ITIH5: variants seen among roughly 807,000 people sequenced by gnomAD.
ITIH5 encodes the protein inter-alpha-trypsin inhibitor heavy chain 5.
Under a neutral mutation model 77.5 loss-of-function variants are expected in ITIH5, and 65 were observed. That is an observed-to-expected ratio of 0.84 (90% confidence interval 0.69 to 1.03). The LOEUF is 1.03. ITIH5 is among the 50% of genes least tolerant of loss of function. ITIH5 has a pLI of 0.00. For missense variants in ITIH5, 1,208 were observed against 1,213.1 expected (o/e 1.00, Z 0.06); for synonymous variants, 525 against 494.3 (o/e 1.06, Z -0.82).
At chr10:7,627,400 A>G (rs913050107) in intron 5 of ITIH5, among the ~76,000 whole-genome samples, 18 of 151,920 alleles carry the variant, frequency 1.2e-4, no homozygotes, top group Non-Finnish European at 2.5e-4. Flanking sequence ...GAAATGCAGG[A>G]CACTGTGCTA....
In ITIH5 at chr10:7,576,595, G is replaced by A. The variant is rs769114378; in HGVS notation, c.1836C>T (p.Tyr612=). The A allele has an allele frequency of 1.9e-6, 3 of 1,614,054 alleles. No homozygotes were observed. The highest frequency in any genetic ancestry group is 2.5e-6 in the Non-Finnish European group (3 of 1,180,046). The part of the protein sequence containing the change: ...RQRAQALAVS[Y]RFLTPFTSMK... Reference sequence around the variant, plus strand: ...TGGAGGTGAAGGGAGTGAGGAAGCGGTAGCTCACAGCCAGGGCCTGGGCCC... The same window carrying A: ...TGGAGGTGAAGGGAGTGAGGAAGCGATAGCTCACAGCCAGGGCCTGGGCCC... The change falls in exon 10 of 14, where the codon TAC becomes TAT. Residue 612 remains tyrosine, a synonymous_variant. Coordinates refer to ENST00000397146, the MANE Select transcript of ITIH5 (RefSeq NM_030569.7).
intron 8 of ITIH5, 56 bp downstream of exon 8, chr10:7,585,845 A>C (rs1832663864): frequency 2.0e-6 from 3 of 1,488,486 alleles, no homozygotes; most frequent in South Asian, 1.3e-5. Flanking sequence ...AAAAAACCAA[A>C]AAAAAAAACA....
At chr10:7,661,914 C>T (rs573430723) in intron 1 of ITIH5, among the ~76,000 whole-genome samples, 1 of 152,152 alleles carries the variant, frequency 6.6e-6, no homozygotes. Context: ...GTTGTCCAGG[C>T]TGGTCTTGAA....
intron 8 of ITIH5, among the ~76,000 whole-genome samples, chr10:7,580,727 G>A (rs948682056): frequency 2.0e-5 from 3 of 152,190 alleles, no homozygotes; most frequent in Non-Finnish European, 2.9e-5. Context: ...GGAGGGGCAT[G>A]GAACGAAGAG....
Position 7,597,044 on chromosome 10 carries a change from C to CAAAAAAAAAAAAAAAAAAAA in ITIH5, c.940-10995_940-10976dup, listed in dbSNP as rs71383924. On this transcript the variant is annotated intron_variant, in intron 7 of 13. Coordinates refer to ENST00000397146, the MANE Select transcript of ITIH5 (RefSeq NM_030569.7). ...CTGGGTGCAGAGTGAGTCTCCAACTCAAAAAAAAAAAAAAAAAAAATTCCA... is the reference window on the plus strand; with the variant it reads ...CTGGGTGCAGAGTGAGTCTCCAACTCAAAAAAAAAAAAAAAAAAAAAAAAAAAAAAAAAAAAAAAATTCCA... Among the ~76,000 whole-genome samples, 66 of 36,888 alleles carry CAAAAAAAAAAAAAAAAAAAA rather than the reference C, an allele frequency of 1.8e-3. 8 individuals are homozygous for CAAAAAAAAAAAAAAAAAAAA. Among genetic ancestry groups the CAAAAAAAAAAAAAAAAAAAA allele is most frequent in the Non-Finnish European group, 1.8e-3 (29 of 15,934 alleles). 24.2% of individuals were successfully genotyped at this position (36,888 alleles called of 152,430 possible). A position where few individuals can be genotyped will look rare whatever the true frequency, so the allele number is the denominator to read the frequency against.
intron 1 of ITIH5, among the ~76,000 whole-genome samples, chr10:7,662,176 G>A (rs937045000): frequency 2.6e-5 from 4 of 152,056 alleles, no homozygotes; most frequent in African/African-American, 9.7e-5. Context: ...TGGCCAACAC[G>A]GTAAAGCCCC....
chr10:7,592,717 C>A (rs1588382587), intron 7 of ITIH5, among the ~76,000 whole-genome samples: 1 of 152,202 alleles, frequency 6.6e-6, no homozygotes, highest in Non-Finnish European at 1.5e-5. Context: ...GCAGGGGCGG[C>A]CTCAGCCAGG....
rs367610718 is a variant in ITIH5 at position 7,560,346 on chromosome 10, C to T, written c.*2737G>A. The T allele has an allele frequency of 3.3e-5, 5 of 152,914 alleles. No individual in the cohort carries two copies. The highest frequency in any genetic ancestry group is 2.1e-4 in the South Asian group (1 of 4,852). The allele number at this position is 152,914 out of a possible 1,614,324, so 9.5% of individuals were successfully genotyped here. ...AAAGTTAAAGTTAAAGGAATGAATC[C>T]TGTTCCTAATCCACCTATCAGGACA... On this transcript the variant is annotated 3_prime_UTR_variant, in exon 14 of 14. Transcript: ENST00000397146.
intron 13 of ITIH5, among the ~76,000 whole-genome samples, chr10:7,564,961 A>G (rs934032825): frequency 7.1e-6 from 1 of 140,800 alleles, no homozygotes; most frequent in African/African-American, 2.8e-5. Flanking sequence ...GACTGTATAC[A>G]TACATATACA....
chr10:7,574,813 A>G (rs200549082), intron 10 of ITIH5, among the ~76,000 whole-genome samples: 12 of 8,956 alleles, frequency 1.3e-3, no homozygotes, highest in Admixed American at 0.01. Flanking sequence ...AAAAAAAAAA[A>G]GCAAAAAAAA....
At chr10:7,611,976 C>A (rs1833255034) in intron 7 of ITIH5, among the ~76,000 whole-genome samples, 1 of 150,038 alleles carries the variant, frequency 6.7e-6, no homozygotes, top group Non-Finnish European at 1.5e-5. Flanking sequence ...GCCTCTTAAC[C>A]CATTTGGAAA....
At chr10:7,633,027 T>C (rs1337568991) in intron 5 of ITIH5, among the ~76,000 whole-genome samples, 3 of 152,174 alleles carry the variant, frequency 2.0e-5, no homozygotes, top group Non-Finnish European at 4.4e-5. Flanking sequence ...AGTGGGAATA[T>C]CTGTCTCGGA....
chr10:7,590,545 G>A (rs1021553479), intron 7 of ITIH5, among the ~76,000 whole-genome samples: 4 of 152,150 alleles, frequency 2.6e-5, no homozygotes, highest in Non-Finnish European at 5.9e-5. Flanking sequence ...TACATACATC[G>A]TGCTGTAAAG....
At chr10:7,571,181 G>A (rs186459111) in intron 11 of ITIH5, among the ~76,000 whole-genome samples, 295 of 152,198 alleles carry the variant, frequency 1.9e-3, no homozygotes, top group African/African-American at 6.7e-3. Flanking sequence ...TCAAGGTGCT[G>A]GTCTTTTGCT....
rs1564269430 is a variant in ITIH5, at chr10:7,629,114, AGAGT to A, written c.652+8110_652+8113del. The stretch of plus-strand genomic sequence containing the variant: ...ATGTTGTAGTGTGTGTCCATGTTGT[AGAGT>A]GTGTCCGTGTTGTAGCATGTGTCCG... On this transcript the variant is annotated intron_variant, in intron 5 of 13. Coordinates refer to ENST00000397146, the MANE Select transcript of ITIH5 (RefSeq NM_030569.7). 1.7e-5 allele frequency among the ~76,000 whole-genome samples: 2 copies of A among 118,196 alleles called. 1 individual carries two copies. The highest frequency in any genetic ancestry group is 4.1e-5 in the Non-Finnish European group (2 of 49,284). The allele number at this position is 118,196 out of a possible 152,430, so 77.5% of individuals were successfully genotyped here. A position where few individuals can be genotyped will look rare whatever the true frequency, so the allele number is the denominator to read the frequency against.
At chr10:7,659,223 A>C (rs947838103) in intron 1 of ITIH5, among the ~76,000 whole-genome samples, 2 of 152,034 alleles carry the variant, frequency 1.3e-5, no homozygotes, top group Admixed American at 1.3e-4. Context: ...TTTTAAAAAG[A>C]CAAAAATTAG....
At chr10:7,603,449 G>C (rs866152073) in intron 7 of ITIH5, among the ~76,000 whole-genome samples, 1 of 152,184 alleles carries the variant, frequency 6.6e-6, no homozygotes, top group Non-Finnish European at 1.5e-5. Context: ...GGGATGATGA[G>C]ATGTCCTAAA....
At chr10:7,605,377 A>G (rs1177345808) in intron 7 of ITIH5, among the ~76,000 whole-genome samples, 1 of 151,610 alleles carries the variant, frequency 6.6e-6, no homozygotes, top group Admixed American at 6.6e-5. Flanking sequence ...ACTAAAAAGA[A>G]CTGATTACCA....
At chr10:7,662,128 C>A (rs1834286251) in intron 1 of ITIH5, among the ~76,000 whole-genome samples, 1 of 152,124 alleles carries the variant, frequency 6.6e-6, no homozygotes, top group African/African-American at 2.4e-5. Context: ...GAGGTCAAGG[C>A]AGGCCGATCA....
Sources: allele counts gnomAD v4.1 joint callset (sites outside exome capture counted in the v4.1 genomes callset), GRCh38; gene constraint gnomAD v4.1.1; transcripts MANE v1.5; gene names NCBI Gene and HGNC (gene_info 2026-07-23, HGNC 2026-07-21).